The following ASB3 variants were observed in gnomAD, a reference collection of about 807,000 sequenced individuals.
ASB3 encodes the protein ankyrin repeat and SOCS box protein 3.
In ASB3, 41 loss-of-function variants were observed where a neutral mutation model predicts 54.5. That is an observed-to-expected ratio of 0.75 (90% CI 0.59 to 0.98). ASB3 has a LOEUF of 0.98. Among genes scored for constraint, ASB3 ranks in the 50% least tolerant of loss-of-function variants. ASB3 has a pLI of 0.00. For synonymous variants in ASB3, 266 were observed against 221.2 expected (o/e 1.20, Z -1.80); for missense variants, 733 against 620.0 (o/e 1.18, Z -1.94).
intron 1 of ASB3, among the ~76,000 whole-genome samples, chr2:53,784,820 C>G (rs935760619): frequency 1.3e-5 from 2 of 152,202 alleles, no homozygotes; most frequent in Non-Finnish European, 1.5e-5. Flanking sequence ...TTCACACTCA[C>G]AGGTTCTAGG....
intron 3 of ASB3, chr2:53,748,493 C>A (rs376322062): frequency 1.3e-5 from 2 of 152,134 alleles, no homozygotes; most frequent in Non-Finnish European, 2.9e-5. Flanking sequence ...TTCCATGAAA[C>A]GTGTAAAATA....
intron 1 of ASB3, chr2:53,775,064 G>T (rs940445785): frequency 6.6e-6 from 1 of 152,448 alleles, no homozygotes; most frequent in African/African-American, 2.4e-5. Context: ...CCAAAAATTG[G>T]CATTTTTAAA....
chr2:53,744,934 C>T (rs1413782799), intron 3 of ASB3, among the ~76,000 whole-genome samples: 1 of 152,150 alleles, frequency 6.6e-6, no homozygotes, highest in African/African-American at 2.4e-5. Flanking sequence ...AAATATTACA[C>T]AGAATAAGCA....
intron 7 of ASB3, among the ~76,000 whole-genome samples, chr2:53,707,540 C>T (rs990492733): frequency 2.7e-5 from 4 of 150,820 alleles, no homozygotes; most frequent in Admixed American, 6.6e-5. Flanking sequence ...CCCAGCTACT[C>T]GGGAGGCTGA....
chr2:53,773,990 G>A (rs776277011), intron 1 of ASB3: 19 of 794,842 alleles, frequency 2.4e-5, no homozygotes, highest in Non-Finnish European at 3.3e-5. Context: ...GGCCACGATC[G>A]TGCCACTGCA....
intron 2 of ASB3, chr2:53,763,564 G>C (rs56889313): frequency 5.9e-6 from 1 of 169,292 alleles, no homozygotes; most frequent in Admixed American, 6.5e-5. Flanking sequence ...TTTGGTGTCC[G>C]TGGACATTTT....
intron 9 of ASB3, among the ~76,000 whole-genome samples, chr2:53,671,353 CGTGTGTGTGTGTGTGTGTGTGTGT>C (rs142473697): frequency 2.8e-5 from 4 of 142,512 alleles, no homozygotes; most frequent in Non-Finnish European, 6.1e-5. Context: ...GAACCCAAAG[CGTGTGTGTGTGTGTGTGTGTGTGT>C]GTGTGTGTGT....
At chr2:53,707,071 T>C (rs939091567) in intron 7 of ASB3, among the ~76,000 whole-genome samples, 36 of 152,260 alleles carry the variant, frequency 2.4e-4, no homozygotes, top group African/African-American at 7.9e-4. Context: ...TGTAGGAGAG[T>C]TACTATGGGT....
chr2:53,786,931 A>G lies in ASB3; in HGVS notation c.-124T>C. 2.4e-6 allele frequency: 1 copy of G among 414,502 alleles called. No individual in the cohort carries two copies. 25.7% of individuals were successfully genotyped at this position (414,502 alleles called of 1,614,324 possible). On this transcript the variant is annotated 5_prime_UTR_variant, in exon 1 of 10. Transcript: ENST00000263634. ...CCCACCGCGATGCTGCAGCCGTCCG[A>G]AAACGAGAGACGCGCAGGCGACGTC...
chr2:53,674,863 A>C (rs1053417540), intron 9 of ASB3, among the ~76,000 whole-genome samples: 6 of 152,122 alleles, frequency 3.9e-5, no homozygotes, highest in African/African-American at 7.2e-5. Flanking sequence ...GTACCTGAGA[A>C]CTCTGAAAAA....
chr2:53,730,256 T>C (rs977320654), intron 3 of ASB3, among the ~76,000 whole-genome samples: 2 of 152,204 alleles, frequency 1.3e-5, no homozygotes, highest in Admixed American at 6.5e-5. Flanking sequence ...CAAAGTGCTT[T>C]ATAAAATAAG....
chr2:53,757,189 G>A lies in ASB3; in HGVS notation c.197-6248C>T, dbSNP rs377477859. 1.9e-4 allele frequency among the ~76,000 whole-genome samples: 29 copies of A among 152,326 alleles called. 1 individual carries two copies. The East Asian group carries it at 2.5e-3, about 13-fold the overall frequency. On this transcript the variant is annotated intron_variant, in intron 2 of 9. Coordinates refer to ENST00000263634, the MANE Select transcript of ASB3 (RefSeq NM_016115.5). ...GTCCTATCCTTCCTTAGAATTGGAGGAAAATACCGGGCACCTGTCAGCCAG... is the reference window on the plus strand; with the variant it reads ...GTCCTATCCTTCCTTAGAATTGGAGAAAAATACCGGGCACCTGTCAGCCAG...
At chr2:53,733,368 C>G (rs1671426773) in intron 3 of ASB3, among the ~76,000 whole-genome samples, 1 of 151,802 alleles carries the variant, frequency 6.6e-6, no homozygotes, top group Admixed American at 6.6e-5. Flanking sequence ...TTCCGTATCT[C>G]ATGAGAAGAA....
chr2:53,670,722 T>G (rs1291549615), intron 9 of ASB3, 32 bp from the exon 10 acceptor site: 2 of 1,585,114 alleles, frequency 1.3e-6, no homozygotes, highest in African/African-American at 2.7e-5. Context: ...GGTGAAACTT[T>G]TTTAAACAGA....
intron 5 of ASB3, 115 bp from the exon 6 acceptor site, chr2:53,716,858 T>C: frequency 8.7e-7 from 1 of 1,149,228 alleles, no homozygotes. Flanking sequence ...TTTTCCCTCT[T>C]CACTGAATGT....
intron 3 of ASB3, 65 bp from the exon 4 acceptor site, chr2:53,729,635 T>G: frequency 7.1e-7 from 1 of 1,405,316 alleles, no homozygotes; most frequent in Non-Finnish European, 1.0e-6. Flanking sequence ...CTGGACACTT[T>G]GGTGATGTTC....
At chr2:53,692,690 G>C (rs921553629) in intron 9 of ASB3, among the ~76,000 whole-genome samples, 3 of 152,098 alleles carry the variant, frequency 2.0e-5, no homozygotes, top group African/African-American at 7.2e-5. Flanking sequence ...TCGATATGTA[G>C]CAATAATTTT....
In ASB3 at chr2:53,708,432, G is replaced by A. The variant is rs143496698; in HGVS notation, c.980+5952C>T. 8.7e-4 allele frequency among the ~76,000 whole-genome samples: 132 copies of A among 152,274 alleles called. No individual in the cohort carries two copies. The Middle Eastern group carries it at 0.014, about 16-fold the overall frequency. ...TTCTTTATAAATTACCCAGTCTCAG[G>A]TATTTCTTTATAGCAATGCAAGAAC... On this transcript the variant is annotated intron_variant, in intron 7 of 9. Transcript: ENST00000263634.
At chr2:53,713,926 T>G (rs888685199) in intron 7 of ASB3, among the ~76,000 whole-genome samples, 2 of 151,792 alleles carry the variant, frequency 1.3e-5, no homozygotes, top group East Asian at 3.9e-4. Flanking sequence ...AAAAAAAAAT[T>G]TTTTTTAATG....
Sources: allele counts gnomAD v4.1 joint callset (sites outside exome capture counted in the v4.1 genomes callset), GRCh38; gene constraint gnomAD v4.1.1; transcripts MANE v1.5; gene names NCBI Gene and HGNC (gene_info 2026-07-23, HGNC 2026-07-21).